LRBA: variants seen among roughly 807,000 people sequenced by gnomAD.
The protein encoded by LRBA is LPS responsive beige-like anchor protein, also known as lipopolysaccharide-responsive and beige-like anchor protein.
LRBA carries 176 observed loss-of-function variants against 330.0 expected under a neutral mutation model. The observed-to-expected ratio is 0.53, with a 90% confidence interval of 0.47 to 0.60. LRBA has a LOEUF of 0.60. Ranked by LOEUF, LRBA falls within the 20% of genes least tolerant of loss-of-function variation. LRBA has a pLI of 0.00. For missense variants in LRBA, 3,259 were observed against 3,444.8 expected, an observed-to-expected ratio of 0.95 and a Z score of 1.35; for synonymous variants, 1,230 against 1,193.0, an observed-to-expected ratio of 1.03 and a Z score of -0.64.
chr4:150,750,689 T>C (rs1402559402), intron 35 of LRBA, among the ~76,000 whole-genome samples: 1 of 152,026 alleles, frequency 6.6e-6, no homozygotes, highest in Non-Finnish European at 1.5e-5. Flanking sequence ...CATCTTAGTC[T>C]CCCAAAGTGC....
chr4:150,770,324 C>T (rs1736385929), intron 34 of LRBA, among the ~76,000 whole-genome samples: 2 of 152,128 alleles, frequency 1.3e-5, no homozygotes, highest in African/African-American at 4.8e-5. Flanking sequence ...ATTTCTTTGT[C>T]TGTATCTATA....
chr4:150,384,131 CG>C (rs1742709507), intron 47 of LRBA, among the ~76,000 whole-genome samples: 1 of 151,944 alleles, frequency 6.6e-6, no homozygotes, highest in South Asian at 2.1e-4. Context: ...CTCCATCTCC[CG>C]GGTTCAAGCG....
intron 26 of LRBA, among the ~76,000 whole-genome samples, 199 bp downstream of exon 26, chr4:150,848,619 A>G (rs1179826422): frequency 6.6e-6 from 1 of 151,760 alleles, no homozygotes; most frequent in Non-Finnish European, 1.5e-5. Flanking sequence ...AAATCACCTT[A>G]GTAAATTTTT....
chr4:150,922,373 C>G (rs994282158), intron 4 of LRBA, among the ~76,000 whole-genome samples: 1 of 137,614 alleles, frequency 7.3e-6, no homozygotes, highest in Admixed American at 7.8e-5. Flanking sequence ...CATCAATCAA[C>G]GAGTGGATAA....
intron 34 of LRBA, among the ~76,000 whole-genome samples, chr4:150,762,930 T>C (rs1049339105): frequency 2.6e-5 from 4 of 151,956 alleles, no homozygotes; most frequent in African/African-American, 9.7e-5. Context: ...TCCAAATTCT[T>C]TTCTTTTTCA....
intron 36 of LRBA, among the ~76,000 whole-genome samples, chr4:150,702,589 T>G (rs994926817): frequency 6.6e-6 from 1 of 152,138 alleles, no homozygotes; most frequent in Non-Finnish European, 1.5e-5. Flanking sequence ...ACAAAGAAAT[T>G]AAGTATCCTA....
rs142680823 is a variant in LRBA at position 150,914,325 on chromosome 4, A to C, written c.1031T>G (p.Phe344Cys). The change falls in exon 9 of 57, where the codon TTC becomes TGC. Residue 344 changes from phenylalanine to cysteine, a missense_variant. Phe to Cys is a radical substitution (Grantham distance 205). Coordinates refer to ENST00000651943, the MANE Select transcript of LRBA (RefSeq NM_001364905.1). ...ATCTGCTGTTTCTGATGAGCCCAGG[A>C]AACATTTGTCAAAGGTCTGTAAAAG... ...VNTSDTFDKCFLGSSETADAN... is the reference protein window; with the variant it reads ...VNTSDTFDKCCLGSSETADAN... 6.5e-7 allele frequency: 1 copy of C among 1,547,550 alleles called. No individual in the cohort carries two copies. Among genetic ancestry groups the C allele is most frequent in the African/African-American group, 1.4e-5 (1 of 73,038 alleles).
Position 150,928,592 on chromosome 4 carries a change from A to C in LRBA, c.473T>G (p.Val158Gly). Residue 158 changes from valine (V) to glycine (G), a missense_variant, in exon 4 of 57, where the codon GTG (valine) becomes GGG (glycine). Coordinates refer to ENST00000651943, the MANE Select transcript of LRBA (RefSeq NM_001364905.1). The part of the protein sequence containing the change: ...IADLLVDMLG[V>G]LASYNLTVRE... ...AACTGTCAAATTATAGCTAGCCAGC[A>C]CTCCCAACATGTCAACCAAAAGATC... 6.2e-7 allele frequency: 1 copy of C among 1,613,762 alleles called. No individual in the cohort carries two copies. Among genetic ancestry groups the C allele is most frequent in the Non-Finnish European group, 8.5e-7 (1 of 1,179,766 alleles).
chr4:150,711,293 T>C (rs1373907591), intron 36 of LRBA, among the ~76,000 whole-genome samples: 1 of 151,678 alleles, frequency 6.6e-6, no homozygotes, highest in Non-Finnish European at 1.5e-5. Context: ...TGGAGTACAG[T>C]GGCAAAATCT....
chr4:150,653,289 C>T (rs1434299433), intron 37 of LRBA, among the ~76,000 whole-genome samples: 1 of 152,082 alleles, frequency 6.6e-6, no homozygotes, highest in Non-Finnish European at 1.5e-5. Context: ...TTAAAACCTG[C>T]CTCCCCAGAA....
Position 150,905,970 on chromosome 4 carries a change from G to A in LRBA, c.1623C>T (p.Ser541=), listed in dbSNP as rs775134513. Residue 541 remains serine, a synonymous_variant, in exon 13 of 57, where the codon AGC becomes AGT. Transcript: ENST00000651943. ...CAAGGCAAAGTTCAAGTACTGCTCT[G>A]CTAACATGAGATTTGGAAGACTGCA... is the stretch of plus-strand genomic sequence containing the variant. ...SLEKSSKSHV[S]RAVLELCLAF... 6.2e-7 allele frequency: 1 copy of A among 1,613,228 alleles called. No homozygotes were observed. Among genetic ancestry groups the A allele is most frequent in the South Asian group, 1.1e-5 (1 of 90,902 alleles).
intron 50 of LRBA, among the ~76,000 whole-genome samples, chr4:150,317,693 C>G (rs1731897829): frequency 6.6e-6 from 1 of 152,158 alleles, no homozygotes; most frequent in South Asian, 2.1e-4. Flanking sequence ...CTCTGATAAT[C>G]TGAGATCTTA....
At chr4:150,717,958 A>G (rs932446854) in intron 36 of LRBA, among the ~76,000 whole-genome samples, 2 of 152,144 alleles carry the variant, frequency 1.3e-5, no homozygotes, top group Non-Finnish European at 2.9e-5. Context: ...TTTTACAGAT[A>G]TATCACATTA....
intron 34 of LRBA, among the ~76,000 whole-genome samples, chr4:150,775,020 G>C (rs1188557535): frequency 2.0e-5 from 3 of 152,070 alleles, no homozygotes; most frequent in Non-Finnish European, 4.4e-5. Context: ...TTGCTGCTTT[G>C]ACTCTGCTGT....
At chr4:150,371,955 T>C (rs1018446079) in intron 47 of LRBA, among the ~76,000 whole-genome samples, 9 of 152,200 alleles carry the variant, frequency 5.9e-5, no homozygotes, top group Non-Finnish European at 1.0e-4. Flanking sequence ...CTTGATAGCT[T>C]CAGCATTTCA....
rs140340642 is a variant in LRBA, at chr4:150,699,081, G to T, written c.5755-15364C>A. ...GCCGTTGTCACTCAACCTGAGGCAG[G>T]AAAAAAGGGTAACACTGGACTGAGG... On this transcript the variant is annotated intron_variant, in intron 36 of 56. Coordinates refer to ENST00000651943, the MANE Select transcript of LRBA (RefSeq NM_001364905.1). Among the ~76,000 whole-genome samples, 643 of 152,152 alleles carry T rather than the reference G, an allele frequency of 4.2e-3. 4 individuals carry two copies. The highest frequency in any genetic ancestry group is 0.015 in the African/African-American group (622 of 41,520).
At chr4:150,378,788 A>C (rs1741744033) in intron 47 of LRBA, among the ~76,000 whole-genome samples, 1 of 152,220 alleles carries the variant, frequency 6.6e-6, no homozygotes, top group Non-Finnish European at 1.5e-5. Flanking sequence ...AAATGTCTTC[A>C]AATCGAATGA....
intron 17 of LRBA, among the ~76,000 whole-genome samples, 183 bp downstream of exon 17, chr4:150,892,869 C>T (rs1729610248): frequency 6.6e-6 from 1 of 152,092 alleles, no homozygotes; most frequent in Non-Finnish European, 1.5e-5. Context: ...AATAGTAACA[C>T]AGCCTCTATA....
intron 34 of LRBA, among the ~76,000 whole-genome samples, chr4:150,768,593 G>A (rs1304583686): frequency 6.6e-6 from 1 of 152,178 alleles, no homozygotes; most frequent in Non-Finnish European, 1.5e-5. Context: ...AGAAAATTGA[G>A]AAGCTAGGAT....
Sources: gnomAD v4.1 joint callset for allele counts (sites outside exome capture counted in the v4.1 genomes callset) on GRCh38, gnomAD v4.1.1 for gene constraint, MANE v1.5 for transcripts, NCBI Gene and HGNC (gene_info 2026-07-23, HGNC 2026-07-21) for gene names.